The following PVT1 variants were observed in gnomAD, a reference collection of about 807,000 sequenced individuals.
PVT1 encodes the protein CXCR4/PVT1 fusion.
chr8:127,906,695 C>A (rs752999822), intron 3 of PVT1, among the ~76,000 whole-genome samples: 2 of 152,070 alleles, frequency 1.3e-5, no homozygotes, highest in Non-Finnish European at 2.9e-5. Flanking sequence ...TGTTTCCATG[C>A]GTTCTGTCAG....
At chr8:128,000,356 CAG>C (rs1393606187) in intron 4 of PVT1, among the ~76,000 whole-genome samples, 1 of 152,184 alleles carries the variant, frequency 6.6e-6, no homozygotes, top group Non-Finnish European at 1.5e-5. Flanking sequence ...GCCTCCTGGG[CAG>C]TCAGGAGGGC....
At chr8:127,969,358 A>G (rs1816737556) in intron 3 of PVT1, among the ~76,000 whole-genome samples, 1 of 151,936 alleles carries the variant, frequency 6.6e-6, no homozygotes, top group South Asian at 2.1e-4. Flanking sequence ...CCATTCCTTT[A>G]TCTTGATTCT....
chr8:128,057,975 G>A (rs769174249), intron 4 of PVT1, among the ~76,000 whole-genome samples: 1 of 152,196 alleles, frequency 6.6e-6, no homozygotes, highest in South Asian at 2.1e-4. Context: ...GATTGTGTGA[G>A]GGTGTAAGCC....
intron 3 of PVT1, among the ~76,000 whole-genome samples, chr8:127,911,518 T>G (rs1214285099): frequency 6.6e-6 from 1 of 152,234 alleles, no homozygotes; most frequent in Non-Finnish European, 1.5e-5. Context: ...AGTACGGGAC[T>G]GGAGGTCTCC....
At chr8:127,871,061 T>A (rs1193768612) in intron 2 of PVT1, among the ~76,000 whole-genome samples, 1 of 152,182 alleles carries the variant, frequency 6.6e-6, no homozygotes, top group East Asian at 1.9e-4. Context: ...ATATTCCAGA[T>A]CACCCTGTGG....
chr8:128,072,738 G>T (rs1814013335), intron 5 of PVT1, among the ~76,000 whole-genome samples: 1 of 152,168 alleles, frequency 6.6e-6, no homozygotes, highest in African/African-American at 2.4e-5. Context: ...CTAGCGGTTT[G>T]GGGAAAAATA....
chr8:128,057,863 A>G (rs1050228160), intron 4 of PVT1, among the ~76,000 whole-genome samples: 1 of 152,202 alleles, frequency 6.6e-6, no homozygotes, highest in African/African-American at 2.4e-5. Context: ...GTGAGTGAGG[A>G]AAAGAAAGGC....
At chr8:128,069,592 A>G (rs1813957361) in intron 4 of PVT1, among the ~76,000 whole-genome samples, 1 of 152,030 alleles carries the variant, frequency 6.6e-6, no homozygotes, top group Non-Finnish European at 1.5e-5. Flanking sequence ...TAGAGGAGAG[A>G]GCTGAGTCCT....
At chr8:127,924,671 C>G (rs748829100) in intron 3 of PVT1, among the ~76,000 whole-genome samples, 9 of 152,112 alleles carry the variant, frequency 5.9e-5, no homozygotes, top group Non-Finnish European at 1.2e-4. Context: ...ACCACCACGC[C>G]CGACTAATTT....
intron 2 of PVT1, among the ~76,000 whole-genome samples, chr8:127,802,082 A>C (rs1212801260): frequency 6.6e-6 from 1 of 151,700 alleles, no homozygotes; most frequent in African/African-American, 2.4e-5. Flanking sequence ...CACCTGGCTA[A>C]TTTTGTATTT....
intron 4 of PVT1, among the ~76,000 whole-genome samples, chr8:128,033,135 T>C (rs1304841696): frequency 6.6e-6 from 1 of 152,182 alleles, no homozygotes; most frequent in African/African-American, 2.4e-5. Context: ...ACTATTTGCA[T>C]TGTTAGAAAG....
At position 127,899,534 on chromosome 8, in the gene PVT1, T is replaced by G. The variant is rs188347079; in HGVS notation, n.782+8536T>G. ...TGTGCCCCTCACGCGCTTGTTGAGA[T>G]GACAGATGAGTCACCTCTGGGAAAC... is the stretch of plus-strand genomic sequence containing the variant. On this transcript the variant is annotated intron_variant and non_coding_transcript_variant, in intron 3 of 10. Coordinates refer to ENST00000651587, the Ensembl canonical transcript of PVT1. 3.3e-4 allele frequency among the ~76,000 whole-genome samples: 51 copies of G among 152,268 alleles called. No homozygotes were observed. The East Asian group carries it at 9.3e-3, about 28-fold the overall frequency.
chr8:127,914,822 T>A (rs140141990), intron 3 of PVT1, among the ~76,000 whole-genome samples: 7 of 151,274 alleles, frequency 4.6e-5, no homozygotes, highest in African/African-American at 1.7e-4. Flanking sequence ...TTGGTTTTTT[T>A]TTTTTTTTTT....
chr8:128,072,876 C>T (rs900080585), intron 5 of PVT1, among the ~76,000 whole-genome samples: 2 of 151,816 alleles, frequency 1.3e-5, no homozygotes, highest in African/African-American at 4.8e-5. Context: ...CACTGTTGCC[C>T]AGGTTGGAGT....
intron 2 of PVT1, among the ~76,000 whole-genome samples, chr8:127,819,346 T>A (rs1189576452): frequency 6.6e-6 from 1 of 152,222 alleles, no homozygotes; most frequent in African/African-American, 2.4e-5. Flanking sequence ...TAGATAGCTC[T>A]GACTGTCACC....
At chr8:127,962,567 G>A (rs917864178) in intron 3 of PVT1, among the ~76,000 whole-genome samples, 1 of 152,126 alleles carries the variant, frequency 6.6e-6, no homozygotes, top group Non-Finnish European at 1.5e-5. Context: ...CTCACACCCA[G>A]GTTGCGGTTT....
intron 3 of PVT1, chr8:127,946,525 C>T (rs12548939): frequency 0.25 from 37,523 of 152,102 alleles, 5,708 homozygotes; most frequent in Middle Eastern, 0.33. Context: ...AAAGAGACCA[C>T]GGATGAATGA....
Position 127,897,149 on chromosome 8 carries a change from A to AC in PVT1, n.782+6155dup, listed in dbSNP as rs3842203. ...TGTTTGACCTTCCACTCTTTCCCCA[A>AC]CCCCGTTACCCCTGAGCGAGTTTGG... On this transcript the variant is annotated intron_variant and non_coding_transcript_variant, in intron 3 of 10. Coordinates refer to ENST00000651587, the Ensembl canonical transcript of PVT1. Among the ~76,000 whole-genome samples, 50 of 152,088 alleles carry AC rather than the reference A, an allele frequency of 3.3e-4. No individual in the cohort carries two copies. The East Asian group carries it at 9.1e-3, about 28-fold the overall frequency.
chr8:127,853,780 A>G (rs971803399), intron 2 of PVT1, among the ~76,000 whole-genome samples: 9 of 151,492 alleles, frequency 5.9e-5, no homozygotes, highest in Non-Finnish European at 4.4e-5. Flanking sequence ...AACAAGAAAC[A>G]AAAACAAAAC....
Sources: allele counts gnomAD v4.1 joint callset (sites outside exome capture counted in the v4.1 genomes callset), GRCh38; gene constraint gnomAD v4.1.1; transcripts MANE v1.5; gene names NCBI Gene and HGNC (gene_info 2026-07-23, HGNC 2026-07-21).